SLC37A1: variants seen among roughly 807,000 people sequenced by gnomAD.
SLC37A1 encodes glucose-6-phosphate exchanger SLC37A1.
A neutral mutation model predicts 75.3 loss-of-function variants in SLC37A1; 49 were observed. That is an observed-to-expected ratio of 0.65 (90% CI 0.52 to 0.83). The LOEUF is 0.83. Among genes scored for constraint, SLC37A1 ranks in the 40% least tolerant of loss-of-function variants. The pLI is 0.00. For synonymous variants in SLC37A1, 268 were observed against 292.1 expected (o/e 0.92, Z 0.84); for missense variants, 566 against 695.0 (o/e 0.81, Z 2.09).
intron 9 of SLC37A1, among the ~76,000 whole-genome samples, chr21:42,553,154 A>T (rs1201994383): frequency 6.6e-6 from 1 of 152,074 alleles, no homozygotes; most frequent in Non-Finnish European, 1.5e-5. Flanking sequence ...GGCCCCATAG[A>T]TCTCTACTTG....
intron 2 of SLC37A1, among the ~76,000 whole-genome samples, chr21:42,503,997 G>C (rs1263176917): frequency 6.6e-6 from 1 of 152,182 alleles, no homozygotes; most frequent in Non-Finnish European, 1.5e-5. Context: ...CCCCAGAACA[G>C]AGTCTCAGTT....
chr21:42,542,469 T>C lies in SLC37A1; in HGVS notation c.552T>C (p.Phe184=), dbSNP rs368396666. ...TCGTCACCTGCCTCGGCAACTGGTT[T>C]GGAAAAGGAAGGTGAGAAAAAGCAG... is the stretch of plus-strand genomic sequence containing the variant. ...PSVVTCLGNW[F]GKGRRGLIMG... Residue 184 remains phenylalanine, a synonymous_variant, in exon 7 of 20, where the codon TTT becomes TTC. Transcript: ENST00000352133. 4 of 1,613,956 alleles carry C rather than the reference T, an allele frequency of 2.5e-6. No homozygotes were observed. The African/African-American group carries it at 5.3e-5, about 22-fold the overall frequency.
At chr21:42,501,236 T>C (rs1174172423) in intron 1 of SLC37A1, among the ~76,000 whole-genome samples, 3 of 152,372 alleles carry the variant, frequency 2.0e-5, no homozygotes, top group Admixed American at 2.0e-4. Context: ...GTGAAATTTT[T>C]TCTTTTTCTT....
chr21:42,560,332 GC>G (rs1031132475), intron 11 of SLC37A1: 1 of 152,782 alleles, frequency 6.5e-6, no homozygotes, highest in African/African-American at 2.4e-5. Context: ...TCCAGGGTGG[GC>G]TGTCCAGGGG....
At position 42,574,773 on chromosome 21, in the gene SLC37A1, A is replaced by AT. The variant is rs750291648; in HGVS notation, c.1424-41dup. 5 of 1,599,760 alleles carry AT rather than the reference A, an allele frequency of 3.1e-6. No homozygotes were observed. In the South Asian group the frequency reaches 3.3e-5, roughly 11 times the overall value. On this transcript the variant is annotated intron_variant, in intron 17 of 19. Coordinates refer to ENST00000352133, the MANE Select transcript of SLC37A1 (RefSeq NM_001320537.2). The stretch of plus-strand genomic sequence containing the variant: ...CTGTGGCTGCTAGTTATGTGCTGGG[A>AT]TTTTCTCTAAACAGCACCATGTGTG...
In SLC37A1 at chr21:42,534,850, G is replaced by T; in HGVS notation, c.271+20G>T. On this transcript the variant is annotated intron_variant, in intron 4 of 19. Transcript: ENST00000352133. ...CGTTTGGTAAGTCGATTATCGGTCC[G>T]TCCAGGAGCCGAAGCGGCTGTCCTT... The T allele has an allele frequency of 1.9e-6, 3 of 1,607,900 alleles. No homozygotes were observed. Among genetic ancestry groups the T allele is most frequent in the Non-Finnish European group, 2.6e-6 (3 of 1,175,546 alleles).
intron 3 of SLC37A1, among the ~76,000 whole-genome samples, chr21:42,531,615 G>T (rs1015997160): frequency 6.6e-6 from 1 of 152,180 alleles, no homozygotes; most frequent in Non-Finnish European, 1.5e-5. Flanking sequence ...TTTCCGCAGG[G>T]ATGGTGTGGC....
chr21:42,578,527 C>A (rs942251308), intron 18 of SLC37A1, among the ~76,000 whole-genome samples: 2 of 152,162 alleles, frequency 1.3e-5, no homozygotes, highest in African/African-American at 4.8e-5. Context: ...GGGTAAGGTA[C>A]CAGCTCAAAC....
chr21:42,530,662 T>C (rs1440384077), intron 3 of SLC37A1, among the ~76,000 whole-genome samples: 3 of 106,948 alleles, frequency 2.8e-5, no homozygotes, highest in East Asian at 5.2e-4. Context: ...ACACCCCCTC[T>C]GTGTTGGCTG....
rs1420317794 is a variant in SLC37A1 at position 42,548,095 on chromosome 21, C to T, written c.768+955C>T. 2.6e-5 allele frequency among the ~76,000 whole-genome samples: 4 copies of T among 152,296 alleles called. No homozygotes were observed. Among genetic ancestry groups the T allele is most frequent in the African/African-American group, 9.6e-5 (4 of 41,558 alleles). On this transcript the variant is annotated intron_variant, in intron 9 of 19. Coordinates refer to ENST00000352133, the MANE Select transcript of SLC37A1 (RefSeq NM_001320537.2). The surrounding 1 kb of genome is among the most constrained non-coding windows in gnomAD (Gnocchi z 5.6). ...CCTACCCGGGCTAACATGTTAGTCA[C>T]GTCTGTGCCGAGTGTCAGACCCCAG... is the stretch of plus-strand genomic sequence containing the variant.
chr21:42,566,081 G>A (rs1282094754), intron 15 of SLC37A1, among the ~76,000 whole-genome samples: 1 of 152,258 alleles, frequency 6.6e-6, no homozygotes, highest in Non-Finnish European at 1.5e-5. Context: ...TTGCCATTCT[G>A]TGGGTTTCAC....
At chr21:42,577,782 A>T (rs2056338718) in intron 18 of SLC37A1, among the ~76,000 whole-genome samples, 2 of 152,258 alleles carry the variant, frequency 1.3e-5, no homozygotes, top group Non-Finnish European at 2.9e-5. Context: ...GCTTTTAAAA[A>T]TACAGGCACT....
At chr21:42,564,478 G>T (rs145683845) in intron 13 of SLC37A1, among the ~76,000 whole-genome samples, 9 of 152,274 alleles carry the variant, frequency 5.9e-5, no homozygotes, top group South Asian at 4.1e-4. Context: ...GGGCTTCGAG[G>T]CTGGCCTAAA....
chr21:42,546,312 C>G (rs1409428579), intron 8 of SLC37A1, among the ~76,000 whole-genome samples: 1 of 152,216 alleles, frequency 6.6e-6, no homozygotes, highest in African/African-American at 2.4e-5. Flanking sequence ...CAAGTTTCCT[C>G]CCTTCCTTGC....
rs943195294 is a variant in SLC37A1, at chr21:42,520,748, G to T, written c.56+2238G>T. Reference sequence around the variant, plus strand: ...ACTTTGGTCCGGGATCTTGGTTTCTGCATGGCATCTCCCACTAAAAGGAGC... The same window carrying T: ...ACTTTGGTCCGGGATCTTGGTTTCTTCATGGCATCTCCCACTAAAAGGAGC... On this transcript the variant is annotated intron_variant, in intron 2 of 19. Transcript: ENST00000352133. Among the ~76,000 whole-genome samples, 3 of 152,182 alleles carry T rather than the reference G, an allele frequency of 2.0e-5. No homozygotes were observed. In the South Asian group the frequency reaches 6.2e-4, roughly 32 times the overall value.
chr21:42,501,179 CA>C (rs2054337807), intron 1 of SLC37A1, among the ~76,000 whole-genome samples: 1 of 152,208 alleles, frequency 6.6e-6, no homozygotes, highest in South Asian at 2.1e-4. Flanking sequence ...TATTATTTTG[CA>C]ACAGAGCTGT....
chr21:42,519,383 GT>G (rs754062165), intron 2 of SLC37A1, among the ~76,000 whole-genome samples: 45 of 152,184 alleles, frequency 3.0e-4, no homozygotes, highest in Admixed American at 1.2e-3. Flanking sequence ...CGATGTGGTA[GT>G]TTTGTGATCA....
chr21:42,502,806 C>T (rs1235587648), intron 2 of SLC37A1: 1 of 152,204 alleles, frequency 6.6e-6, no homozygotes, highest in South Asian at 2.1e-4. Flanking sequence ...GTCAGCCTCC[C>T]TAAGCACCTC....
In SLC37A1 at chr21:42,545,116, T is replaced by C. The variant is rs1476416746; in HGVS notation, c.730+1514T>C. 6.6e-6 allele frequency among the ~76,000 whole-genome samples: 1 copy of C among 152,130 alleles called. No homozygotes were observed. The highest frequency in any genetic ancestry group is 1.5e-5 in the Non-Finnish European group (1 of 68,024). On this transcript the variant is annotated intron_variant, in intron 8 of 19. Transcript: ENST00000352133. The surrounding 1 kb of genome is among the most constrained non-coding windows in gnomAD (Gnocchi z 4.0). ...AGCTCTTGTGAATAAGCCTCCCTGA[T>C]CCAATTTGGGCAGATAGCAATGAGC...
Sources: allele counts gnomAD v4.1 joint callset (sites outside exome capture counted in the v4.1 genomes callset), GRCh38; gene constraint gnomAD v4.1.1; non-coding constraint Gnocchi (gnomAD v3.1); transcripts MANE v1.5; gene names NCBI Gene and HGNC (gene_info 2026-07-23, HGNC 2026-07-21).